PDE4A: variants seen among roughly 807,000 people sequenced by gnomAD.
PDE4A encodes the protein phosphodiesterase 4A.
In PDE4A, 21 loss-of-function variants were observed where a neutral mutation model predicts 73.9. The observed-to-expected ratio is 0.28, with a 90% CI of 0.20 to 0.41. PDE4A has a LOEUF of 0.41. PDE4A is among the 10% of genes least tolerant of loss of function. The pLI is 1.00. For missense variants in PDE4A, 958 were observed against 1,211.4 expected (o/e 0.79, Z 3.10); for synonymous variants, 463 against 505.4 (o/e 0.92, Z 1.13).
At chr19:10,445,844 CTT>C (rs200755243) in intron 1 of PDE4A, among the ~76,000 whole-genome samples, 1 of 141,410 alleles carries the variant, frequency 7.1e-6, no homozygotes, top group Non-Finnish European at 1.5e-5. Context: ...CCACCCCCAC[CTT>C]TTTTTTTTTG....
In PDE4A at chr19:10,424,247, C is replaced by T. The variant is rs2145447560; in HGVS notation, c.320+3163C>T. Among the ~76,000 whole-genome samples the T allele has an allele frequency of 1.3e-5, 2 of 152,304 alleles. No individual in the cohort carries two copies. The highest frequency in any genetic ancestry group is 4.1e-4 in the South Asian group (2 of 4,830). The stretch of plus-strand genomic sequence containing the variant: ...GGACTTTGGTGGTGGGGGTGGGGAG[C>T]TGTCTGAACTGGGGACGGGGCCAAC... On this transcript the variant is annotated intron_variant, in intron 1 of 14. Transcript: ENST00000380702. This position sits in a 1 kb window ranked among gnomAD's most constrained non-coding sequence, Gnocchi z 4.8.
chr19:10,459,364 TACA>T lies in PDE4A; in HGVS notation c.1102-35_1102-33del, dbSNP rs772273878. The T allele has an allele frequency of 3.1e-5, 50 of 1,614,030 alleles. No homozygotes were observed. In the East Asian group the frequency reaches 9.4e-4, roughly 30 times the overall value. ...AAATGTTCTCCAGGGCCCTGAGCCT[TACA>T]GGCTTCTGACCTCTGGCCTCCGTCT... On this transcript the variant is annotated intron_variant, in intron 8 of 14. Transcript: ENST00000380702.
At chr19:10,456,562 A>G (rs1298233136) in intron 7 of PDE4A, among the ~76,000 whole-genome samples, 2 of 151,480 alleles carry the variant, frequency 1.3e-5, no homozygotes, top group Non-Finnish European at 2.9e-5. Flanking sequence ...TAAATAGAAT[A>G]AAAAACTAGT....
At chr19:10,417,737 G>T (rs1026924753), upstream of PDE4A, 16 of 1,586,588 alleles carry the variant, frequency 1.0e-5, no homozygotes, top group African/African-American at 1.7e-4. Context: ...GCCGCCTCTC[G>T]TCCGGTCCTG....
intron 1 of PDE4A, chr19:10,421,364 G>C: frequency 1.0e-6 from 1 of 983,854 alleles, no homozygotes; most frequent in Non-Finnish European, 1.2e-6. Flanking sequence ...CACACTTAGG[G>C]GTCTGTATTC....
intron 1 of PDE4A, among the ~76,000 whole-genome samples, chr19:10,439,402 G>C (rs1312368068): frequency 1.3e-5 from 2 of 152,022 alleles, no homozygotes; most frequent in African/African-American, 2.4e-5. Context: ...GGCTGGTCTC[G>C]AACTCTGGAC....
At chr19:10,423,421 A>G (rs1412223686) in intron 1 of PDE4A, among the ~76,000 whole-genome samples, 1 of 152,062 alleles carries the variant, frequency 6.6e-6, no homozygotes, top group South Asian at 2.1e-4. Flanking sequence ...TTAGCCTCCC[A>G]AAGTGCTGGG....
intron 1 of PDE4A, chr19:10,432,590 G>A (rs2042810254): frequency 2.0e-6 from 3 of 1,509,700 alleles, no homozygotes; most frequent in Non-Finnish European, 2.7e-6. Flanking sequence ...CCCGTGGCCA[G>A]TCAGTCCTCT....
upstream of PDE4A, chr19:10,417,903 G>C: frequency 6.5e-7 from 1 of 1,530,156 alleles, no homozygotes; most frequent in South Asian, 1.2e-5. Context: ...GGTGGGTTGG[G>C]GAGGCACAGT....
intron 4 of PDE4A, among the ~76,000 whole-genome samples, 189 bp downstream of exon 4, chr19:10,449,339 G>A (rs1458243914): frequency 1.4e-5 from 2 of 143,002 alleles, no homozygotes; most frequent in African/African-American, 6.0e-5. Context: ...TTTTTTGTTT[G>A]TTTGTTTGTT....
chr19:10,432,318 G>C, intron 1 of PDE4A: 1 of 1,244,602 alleles, frequency 8.0e-7, no homozygotes. Context: ...GGTCACCAGA[G>C]GCGTGGAGGC....
At chr19:10,462,165 C>T (rs2043284133) in intron 13 of PDE4A, among the ~76,000 whole-genome samples, 166 bp downstream of exon 13, 2 of 152,058 alleles carry the variant, frequency 1.3e-5, no homozygotes, top group Non-Finnish European at 2.9e-5. Flanking sequence ...CGGAGTCTTG[C>T]TCTTGTTGCC....
At chr19:10,422,073 A>G (rs945069954) in intron 1 of PDE4A, among the ~76,000 whole-genome samples, 19 of 152,154 alleles carry the variant, frequency 1.2e-4, no homozygotes, top group Non-Finnish European at 2.6e-4. Flanking sequence ...TGTGACTGTC[A>G]CAGGGTGACT....
chr19:10,466,269 AC>A (rs527370116), intron 14 of PDE4A, among the ~76,000 whole-genome samples: 87 of 148,294 alleles, frequency 5.9e-4, no homozygotes, highest in African/African-American at 2.0e-3. Context: ...ACACAGTGAA[AC>A]CCCGTCTCTA....
chr19:10,457,652 C>T (rs757644746), intron 7 of PDE4A: 2 of 287,044 alleles, frequency 7.0e-6, no homozygotes, highest in South Asian at 1.3e-4. Context: ...ATGATCAGAC[C>T]GGGGCCATCC....
At chr19:10,459,902 A>C in intron 10 of PDE4A, 143 bp downstream of exon 10, 1 of 1,059,740 alleles carries the variant, frequency 9.4e-7, no homozygotes. Flanking sequence ...TCTTTTTGAG[A>C]CGGAGTCTTG....
intron 8 of PDE4A, 141 bp from the exon 9 acceptor site, chr19:10,459,259 C>T: frequency 1.4e-6 from 2 of 1,437,462 alleles, no homozygotes; most frequent in South Asian, 2.6e-5. Flanking sequence ...GAGGGCAGTA[C>T]ATTCTGTGCT....
At chr19:10,417,443 G>T, upstream of PDE4A, 1 of 984,128 alleles carries the variant, frequency 1.0e-6, no homozygotes, top group South Asian at 4.7e-5. Flanking sequence ...ATCGAGAGGG[G>T]ACCCCACAAA....
At chr19:10,447,396 T>G (rs1342274325) in intron 2 of PDE4A, among the ~76,000 whole-genome samples, 1 of 149,296 alleles carries the variant, frequency 6.7e-6, no homozygotes, top group East Asian at 2.0e-4. Flanking sequence ...CGGCTAATTT[T>G]TTCTATTTTT....
Sources: allele counts gnomAD v4.1 joint callset (sites outside exome capture counted in the v4.1 genomes callset), GRCh38; gene constraint gnomAD v4.1.1; non-coding constraint Gnocchi (gnomAD v3.1); transcripts MANE v1.5; gene names NCBI Gene and HGNC (gene_info 2026-07-23, HGNC 2026-07-21).